XYLT1: variants seen among roughly 807,000 people sequenced by gnomAD.
XYLT1 encodes the protein xylosyltransferase 1.
A neutral mutation model predicts 91.3 loss-of-function variants in XYLT1; 36 were observed. The ratio of observed to expected loss-of-function variants is 0.39; its 90% CI spans 0.30 to 0.52. The LOEUF (loss-of-function observed/expected upper bound fraction) is 0.52. Ranked by LOEUF, XYLT1 falls within the 20% of genes least tolerant of loss-of-function variation. XYLT1 has a pLI of 0.68. For missense variants in XYLT1, 1,242 were observed against 1,284.5 expected, an observed-to-expected ratio of 0.97 and a Z score of 0.51; for synonymous variants, 588 against 532.0, an observed-to-expected ratio of 1.11 and a Z score of -1.45.
intron 3 of XYLT1, among the ~76,000 whole-genome samples, chr16:17,235,397 T>C (rs914536029): frequency 9.6e-5 from 14 of 145,874 alleles, no homozygotes; most frequent in African/African-American, 3.0e-4. Flanking sequence ...CTCCCACCCA[T>C]CCTGCAAAAG....
chr16:17,424,829 C>T (rs536711845), intron 1 of XYLT1, among the ~76,000 whole-genome samples: 33 of 139,770 alleles, frequency 2.4e-4, no homozygotes, highest in African/African-American at 8.3e-4. Flanking sequence ...GATTGCACCA[C>T]GGCACTCCAG....
chr16:17,201,756 G>A (rs993687578), intron 3 of XYLT1, among the ~76,000 whole-genome samples: 9 of 152,094 alleles, frequency 5.9e-5, no homozygotes, highest in Non-Finnish European at 1.2e-4. Context: ...GATTACAGAC[G>A]TGAGCCACTG....
At chr16:17,134,962 A>G (rs2030655911) in intron 8 of XYLT1, among the ~76,000 whole-genome samples, 1 of 152,110 alleles carries the variant, frequency 6.6e-6, no homozygotes, top group Non-Finnish European at 1.5e-5. Flanking sequence ...GGCACTTAGT[A>G]AGCATCATTT....
chr16:17,447,875 A>G (rs1330769665), intron 1 of XYLT1, among the ~76,000 whole-genome samples: 1 of 152,156 alleles, frequency 6.6e-6, no homozygotes, highest in Non-Finnish European at 1.5e-5. Context: ...CATTTAAAAA[A>G]CACCCAGTAC....
chr16:17,120,814 A>G (rs2030024517), intron 10 of XYLT1, among the ~76,000 whole-genome samples: 1 of 152,186 alleles, frequency 6.6e-6, no homozygotes, highest in African/African-American at 2.4e-5. Flanking sequence ...ATATCTCTAT[A>G]GAGATCTAAA....
chr16:17,404,332 C>T (rs563915679), intron 1 of XYLT1, among the ~76,000 whole-genome samples: 1 of 152,318 alleles, frequency 6.6e-6, no homozygotes, highest in East Asian at 1.9e-4. Flanking sequence ...CCTGCTACAG[C>T]TGAGGATGAG....
intron 5 of XYLT1, among the ~76,000 whole-genome samples, chr16:17,161,115 G>A (rs984494041): frequency 3.9e-5 from 6 of 152,190 alleles, no homozygotes; most frequent in Non-Finnish European, 5.9e-5. Flanking sequence ...GGTCTCCCAG[G>A]GTCAGCGGCT....
chr16:17,278,062 C>T lies in XYLT1; in HGVS notation c.403-18564G>A, dbSNP rs1017889799. 1.1e-4 allele frequency among the ~76,000 whole-genome samples: 16 copies of T among 152,126 alleles called. No individual in the cohort carries two copies. In the East Asian group the frequency reaches 1.9e-3, roughly 18 times the overall value. ...ATTGACAGAGTGAGACGCCTCCCTG[C>T]GAACATGAGGCATCTAGTTCGGGTA... On this transcript the variant is annotated intron_variant, in intron 2 of 11. Transcript: ENST00000261381.
At chr16:17,417,059 T>G (rs1042964434) in intron 1 of XYLT1, among the ~76,000 whole-genome samples, 1 of 152,044 alleles carries the variant, frequency 6.6e-6, no homozygotes, top group Non-Finnish European at 1.5e-5. Context: ...CTTGCAAGTT[T>G]GAAGGCGTAA....
At chr16:17,137,719 TCTTACTCCTTCA>T (rs753088886) in intron 8 of XYLT1, 132 of 147,970 alleles carry the variant, frequency 8.9e-4, no homozygotes, top group Non-Finnish European at 1.6e-3. Flanking sequence ...TTCTACCTCT[TCTTACTCCTTCA>T]AGTACACAGA....
At chr16:17,461,178 A>C (rs1596558379) in intron 1 of XYLT1, among the ~76,000 whole-genome samples, 1 of 152,204 alleles carries the variant, frequency 6.6e-6, no homozygotes, top group Non-Finnish European at 1.5e-5. Context: ...CTTGGGCCCC[A>C]TGAGCAGAGC....
At position 17,408,158 on chromosome 16, in the gene XYLT1, T is replaced by C. The variant is rs987976322; in HGVS notation, c.364-50108A>G. Among the ~76,000 whole-genome samples the C allele has an allele frequency of 2.0e-5, 3 of 152,242 alleles. No individual in the cohort carries two copies. The East Asian group carries it at 5.8e-4, about 29-fold the overall frequency. On this transcript the variant is annotated intron_variant, in intron 1 of 11. Transcript: ENST00000261381. ...CTTTATAGTAATACAAAATATACGA[T>C]GATAGCCTCTCAGAGCCTCAATCAC...
intron 2 of XYLT1, among the ~76,000 whole-genome samples, chr16:17,307,086 T>C (rs1232152348): frequency 6.6e-6 from 1 of 152,112 alleles, no homozygotes; most frequent in Non-Finnish European, 1.5e-5. Context: ...GTTGTTGTTG[T>C]TGTTGTTGTT....
intron 5 of XYLT1, among the ~76,000 whole-genome samples, chr16:17,179,231 C>G (rs1174948233): frequency 6.6e-5 from 10 of 152,086 alleles, no homozygotes; most frequent in Admixed American, 6.5e-4. Flanking sequence ...ACCAGGGTCT[C>G]CTTGAGGAGG....
rs113258375 is a variant in XYLT1 at position 17,213,172 on chromosome 16, C to T, written c.914-12518G>A. Among the ~76,000 whole-genome samples, 538 of 152,208 alleles carry T rather than the reference C, an allele frequency of 3.5e-3. 3 individuals are homozygous for T. The highest frequency in any genetic ancestry group is 0.013 in the African/African-American group (519 of 41,516). On this transcript the variant is annotated intron_variant, in intron 3 of 11. Transcript: ENST00000261381. ...TTTGATGCTGTTCTCTAGAGATCTG[C>T]GTGTTTAAAAGTGTGTGGCACCTCC...
intron 1 of XYLT1, among the ~76,000 whole-genome samples, chr16:17,454,834 CCAGT>C (rs1481399786): frequency 1.3e-5 from 2 of 150,808 alleles, no homozygotes; most frequent in African/African-American, 2.5e-5. Context: ...GCCACCATGC[CCAGT>C]CAATTTGTGG....
intron 3 of XYLT1, among the ~76,000 whole-genome samples, chr16:17,229,563 T>G (rs2141719773): frequency 6.6e-6 from 1 of 152,256 alleles, no homozygotes; most frequent in Admixed American, 6.5e-5. Context: ...ATGAGAGAAG[T>G]AGGCCAGGTG....
chr16:17,340,640 C>T (rs771120670), intron 2 of XYLT1, among the ~76,000 whole-genome samples: 1 of 152,240 alleles, frequency 6.6e-6, no homozygotes, highest in Admixed American at 6.5e-5. Flanking sequence ...TAACCCTTTC[C>T]TCTCTGTGCC....
intron 1 of XYLT1, among the ~76,000 whole-genome samples, chr16:17,371,856 A>G (rs2035537440): frequency 6.6e-6 from 1 of 152,218 alleles, no homozygotes; most frequent in South Asian, 2.1e-4. Flanking sequence ...ATGTGTGTGA[A>G]TATGCATGTG....
Sources: allele counts gnomAD v4.1 joint callset (sites outside exome capture counted in the v4.1 genomes callset), GRCh38; gene constraint gnomAD v4.1.1; transcripts MANE v1.5; gene names NCBI Gene and HGNC (gene_info 2026-07-23, HGNC 2026-07-21).